The following EGLN3 variants were observed in gnomAD, a reference collection of about 807,000 sequenced individuals.
The protein encoded by EGLN3 is prolyl hydroxylase EGLN3.
In EGLN3, 15 loss-of-function variants were observed where a neutral mutation model predicts 26.0. The observed-to-expected ratio is 0.58, with a 90% CI of 0.39 to 0.89. The LOEUF is 0.89. Ranked by LOEUF, EGLN3 falls within the 40% of genes least tolerant of loss-of-function variation. EGLN3 has a pLI of 0.00. For missense variants in EGLN3, 238 were observed against 311.6 expected (o/e 0.76, Z 1.78); for synonymous variants, 147 against 127.2 (o/e 1.16, Z -1.05).
intron 2 of EGLN3, 43 bp downstream of exon 2, chr14:33,931,053 G>A: frequency 1.2e-6 from 2 of 1,608,990 alleles, no homozygotes; most frequent in Non-Finnish European, 1.7e-6. Context: ...TCATTTTCCT[G>A]TAGTTTCTAA....
At chr14:33,931,044 C>A in intron 2 of EGLN3, 52 bp downstream of exon 2, 1 of 1,605,618 alleles carries the variant, frequency 6.2e-7, no homozygotes, top group Non-Finnish European at 8.5e-7. Context: ...TTATCTGAAT[C>A]ATTTTCCTGT....
At position 33,925,637 on chromosome 14, in the gene EGLN3, G is replaced by A. The variant is rs191324358; in HGVS notation, c.*254C>T. The A allele has an allele frequency of 5.5e-3, 2,808 of 509,924 alleles. 13 individuals are homozygous for A. Among genetic ancestry groups the A allele is most frequent in the Non-Finnish European group, 8.3e-3 (2,356 of 283,294 alleles). The allele number at this position is 509,924 out of a possible 1,614,324, so 31.6% of individuals were successfully genotyped here. ...TATTACCGAATCTATCAGGTAAACC[G>A]CTGGCCGAGTAGGATGTCTGCAGGA... On this transcript the variant is annotated 3_prime_UTR_variant, in exon 5 of 5. Transcript: ENST00000250457.
chr14:33,947,326 C>A (rs1437720108), intron 1 of EGLN3, among the ~76,000 whole-genome samples: 3 of 152,110 alleles, frequency 2.0e-5, no homozygotes, highest in African/African-American at 7.2e-5. Context: ...ATTACAGGAA[C>A]CACTTCCCAA....
At chr14:33,925,997 CAA>C (rs1297402397) in intron 4 of EGLN3, 75 bp from the exon 5 acceptor site, 6 of 1,455,966 alleles carry the variant, frequency 4.1e-6, no homozygotes, top group Non-Finnish European at 5.8e-6. Flanking sequence ...CAAATGTCAC[CAA>C]AAAGCCTCCA....
Position 33,950,558 on chromosome 14 carries a change from G to T in EGLN3, c.195C>A (p.Arg65=), listed in dbSNP as rs774438188. ...ALRDGQLAGP[R]AGVSKRHLRG... ...GCAGGTGTCGCTTGGAGACGCCGGC[G>T]CGCGGCCCCGCCAGCTGGCCGTCCC... Residue 65 remains arginine, a synonymous_variant, in exon 1 of 5, where the codon CGC becomes CGA. Transcript: ENST00000250457. 1 of 1,611,804 alleles carries T rather than the reference G, an allele frequency of 6.2e-7. No homozygotes were observed. Among genetic ancestry groups the T allele is most frequent in the Admixed American group, 1.7e-5 (1 of 59,908 alleles).
chr14:33,936,343 A>G (rs1566599073), intron 1 of EGLN3, among the ~76,000 whole-genome samples: 1 of 152,208 alleles, frequency 6.6e-6, no homozygotes, highest in Non-Finnish European at 1.5e-5. Context: ...TGATAGCTGA[A>G]GTTTTCTGGC....
At chr14:33,949,197 A>G (rs2064538729) in intron 1 of EGLN3, 1 of 152,050 alleles carries the variant, frequency 6.6e-6, no homozygotes, top group Non-Finnish European at 1.5e-5. Flanking sequence ...TCCCCACTGC[A>G]CTCATCCACC....
Position 33,950,524 on chromosome 14 carries a change from G to T in EGLN3, c.229C>A (p.Gln77Lys). The change falls in exon 1 of 5, where the codon CAG becomes AAG. Residue 77 changes from glutamine to lysine, a missense_variant. Physicochemically the swap from Gln to Lys is moderately conservative, Grantham distance 53 (BLOSUM62 1). Coordinates refer to ENST00000250457, the MANE Select transcript of EGLN3 (RefSeq NM_022073.4). ...TCGTTGCCCCCGATCCACGTGATCT[G>T]GTCGCCCCGCAGGTGTCGCTTGGAG... ...GVSKRHLRGDQITWIGGNEEG... is the reference protein window; with the variant it reads ...GVSKRHLRGDKITWIGGNEEG... The T allele has an allele frequency of 6.2e-7, 1 of 1,613,618 alleles. No individual in the cohort carries two copies. The highest frequency in any genetic ancestry group is 8.5e-7 in the Non-Finnish European group (1 of 1,180,018).
chr14:33,932,053 A>T (rs985722040), intron 1 of EGLN3, among the ~76,000 whole-genome samples: 1 of 152,224 alleles, frequency 6.6e-6, no homozygotes, highest in Non-Finnish European at 1.5e-5. Context: ...GGAAGAAAGC[A>T]AAGTATAGAA....
intron 1 of EGLN3, among the ~76,000 whole-genome samples, chr14:33,943,228 C>T (rs2064495445): frequency 6.6e-6 from 1 of 152,168 alleles, no homozygotes; most frequent in African/African-American, 2.4e-5. Flanking sequence ...GAATCTGAGC[C>T]CAATCAACGG....
chr14:33,928,738 T>C (rs2064379542), intron 3 of EGLN3, among the ~76,000 whole-genome samples: 1 of 152,012 alleles, frequency 6.6e-6, no homozygotes, highest in Non-Finnish European at 1.5e-5. Context: ...CAACATTCTC[T>C]AGGCATAGTT....
At chr14:33,940,375 C>T (rs141463354) in intron 1 of EGLN3, among the ~76,000 whole-genome samples, 3,267 of 151,860 alleles carry the variant, frequency 0.022, 50 homozygotes, top group South Asian at 0.035. Flanking sequence ...AACTAAAAAT[C>T]GTTTTTTGTT....
At chr14:33,931,251 C>G in intron 1 of EGLN3, 36 bp from the exon 2 acceptor site, 2 of 1,613,500 alleles carry the variant, frequency 1.2e-6, no homozygotes, top group Non-Finnish European at 1.7e-6. Flanking sequence ...GTTAACAAAG[C>G]TGAGACAGAC....
intron 1 of EGLN3, among the ~76,000 whole-genome samples, chr14:33,934,481 A>G (rs1373131119): frequency 6.6e-6 from 1 of 151,692 alleles, no homozygotes; most frequent in African/African-American, 2.4e-5. Flanking sequence ...AAAAAAAAAA[A>G]ACCTATCTCA....
At chr14:33,950,022 A>C (rs953441964) in intron 1 of EGLN3, 18 of 507,770 alleles carry the variant, frequency 3.5e-5, no homozygotes, top group Admixed American at 7.1e-5. Context: ...GGCATTTAAG[A>C]TCATGAGGAC....
At chr14:33,946,739 C>T (rs960595702) in intron 1 of EGLN3, among the ~76,000 whole-genome samples, 1 of 152,192 alleles carries the variant, frequency 6.6e-6, no homozygotes, top group African/African-American at 2.4e-5. Context: ...GATGAAGGCT[C>T]GGAATTCTGC....
At chr14:33,939,943 T>C (rs942838937) in intron 1 of EGLN3, among the ~76,000 whole-genome samples, 2 of 152,216 alleles carry the variant, frequency 1.3e-5, no homozygotes, top group Admixed American at 6.5e-5. Context: ...TTGGTTCTAC[T>C]TGAAATATTT....
At chr14:33,933,270 A>T (rs1020554540) in intron 1 of EGLN3, among the ~76,000 whole-genome samples, 1 of 150,702 alleles carries the variant, frequency 6.6e-6, no homozygotes, top group Admixed American at 6.6e-5. Flanking sequence ...CAGGTCATTA[A>T]GGAGTGTTTC....
chr14:33,931,438 AT>A (rs1409057417), intron 1 of EGLN3: 5 of 556,800 alleles, frequency 9.0e-6, no homozygotes, highest in Non-Finnish European at 1.2e-5. Flanking sequence ...GTTCAACAAT[AT>A]TCCCACAGTT....
Sources: gnomAD v4.1 joint callset for allele counts (sites outside exome capture counted in the v4.1 genomes callset) on GRCh38, gnomAD v4.1.1 for gene constraint, MANE v1.5 for transcripts, NCBI Gene and HGNC (gene_info 2026-07-23, HGNC 2026-07-21) for gene names.